Variants in BMP6 observed in about 807,000 individuals in gnomAD.
The protein encoded by BMP6 is bone morphogenetic protein 6, also known as VG-1-R.
In BMP6, 17 loss-of-function variants were observed where a neutral mutation model predicts 54.1. That is an observed-to-expected ratio of 0.31 (90% CI 0.22 to 0.47). The LOEUF (loss-of-function observed/expected upper bound fraction) is 0.47, where lower values mean the gene tolerates loss of function less well. Ranked by LOEUF, BMP6 falls within the 20% of genes least tolerant of loss-of-function variation. The pLI is 1.00. For synonymous variants in BMP6, 328 were observed against 291.2 expected (o/e 1.13, Z -1.28); for missense variants, 720 against 690.4 (o/e 1.04, Z -0.48).
intron 1 of BMP6, among the ~76,000 whole-genome samples, chr6:7,736,143 A>T (rs1224820816): frequency 2.0e-5 from 3 of 152,126 alleles, no homozygotes; most frequent in Non-Finnish European, 1.5e-5. Flanking sequence ...CTTTGTTTTT[A>T]AGTCTAGGAG....
chr6:7,750,847 T>G (rs1317282448), intron 1 of BMP6, among the ~76,000 whole-genome samples: 1 of 152,232 alleles, frequency 6.6e-6, no homozygotes, highest in Non-Finnish European at 1.5e-5. Flanking sequence ...CTCACTCTTG[T>G]CCACTTCTGC....
In BMP6 at chr6:7,727,120, G is replaced by A; in HGVS notation, c.165G>A (p.Gln55=). 6.6e-7 allele frequency: 1 copy of A among 1,520,666 alleles called. No homozygotes were observed. The highest frequency in any genetic ancestry group is 2.1e-5 in the Admixed American group (1 of 47,936). The allele number at this position is 1,520,666 out of a possible 1,614,324, so 94.2% of individuals were successfully genotyped here. A position where few individuals can be genotyped will look rare whatever the true frequency, so the allele number is the denominator to read the frequency against. ...GDGGSPGRTE[Q]PPPSPQSSSG... ...GCGGGAGCCCCGGCCGCACGGAGCA[G>A]CCGCCGCCGTCGCCGCAGTCCTCCT... Residue 55 remains glutamine, a synonymous_variant, in exon 1 of 7, where the codon CAG becomes CAA. Transcript: ENST00000283147.
chr6:7,738,363 G>C (rs1433545793), intron 1 of BMP6, among the ~76,000 whole-genome samples: 2 of 152,158 alleles, frequency 1.3e-5, no homozygotes, highest in African/African-American at 4.8e-5. Flanking sequence ...AGGAGGCTGC[G>C]TTTCCAGCTG....
At chr6:7,824,454 A>T (rs968741519) in intron 1 of BMP6, among the ~76,000 whole-genome samples, 2 of 152,170 alleles carry the variant, frequency 1.3e-5, no homozygotes, top group Non-Finnish European at 2.9e-5. Flanking sequence ...TCTGATTGAT[A>T]AACAATAGAG....
chr6:7,784,196 CT>C (rs1305833237), intron 1 of BMP6, among the ~76,000 whole-genome samples: 1 of 152,030 alleles, frequency 6.6e-6, no homozygotes, highest in Non-Finnish European at 1.5e-5. Flanking sequence ...CAAAAATAGT[CT>C]TTCCTTCTTC....
chr6:7,879,191 C>T, intron 5 of BMP6, 41 bp downstream of exon 5: 1 of 1,562,046 alleles, frequency 6.4e-7, no homozygotes, highest in Non-Finnish European at 8.8e-7. Context: ...CCTTTCTCAG[C>T]AGTTTACTCT....
At chr6:7,820,285 T>C (rs180797800) in intron 1 of BMP6, among the ~76,000 whole-genome samples, 171 of 152,300 alleles carry the variant, frequency 1.1e-3, no homozygotes, top group African/African-American at 3.9e-3. Context: ...TTGCTTTGGG[T>C]ATTGCAGCAT....
At chr6:7,747,187 G>A (rs914731640) in intron 1 of BMP6, among the ~76,000 whole-genome samples, 35 of 152,210 alleles carry the variant, frequency 2.3e-4, no homozygotes, top group African/African-American at 7.7e-4. Flanking sequence ...CAGTGTTTGC[G>A]GTAGGCAGGA....
chr6:7,735,604 C>A (rs1031074619), intron 1 of BMP6, among the ~76,000 whole-genome samples: 60 of 151,778 alleles, frequency 4.0e-4, no homozygotes, highest in African/African-American at 1.4e-3. Context: ...TTTTTAAGAT[C>A]AGTTTGAGGT....
chr6:7,797,537 A>C (rs1272773647), intron 1 of BMP6, among the ~76,000 whole-genome samples: 1 of 152,222 alleles, frequency 6.6e-6, no homozygotes, highest in Non-Finnish European at 1.5e-5. Context: ...GGTGAGAAAC[A>C]AGAGTGGGTG....
At chr6:7,852,909 C>T (rs1561791934) in intron 2 of BMP6, among the ~76,000 whole-genome samples, 2 of 152,130 alleles carry the variant, frequency 1.3e-5, no homozygotes, top group African/African-American at 4.8e-5. Flanking sequence ...TATGAGATCA[C>T]TTTTATGAGC....
chr6:7,860,355 C>T (rs1759315295), intron 2 of BMP6, among the ~76,000 whole-genome samples: 1 of 152,146 alleles, frequency 6.6e-6, no homozygotes, highest in Admixed American at 6.5e-5. Flanking sequence ...ATACCAGGAG[C>T]TTTGAGTCTT....
intron 1 of BMP6, among the ~76,000 whole-genome samples, chr6:7,778,705 T>C (rs1757897246): frequency 6.6e-6 from 1 of 152,208 alleles, no homozygotes; most frequent in African/African-American, 2.4e-5. Flanking sequence ...ACCTTCACTG[T>C]TTTTGCTGGA....
At chr6:7,856,272 A>T (rs1327764486) in intron 2 of BMP6, among the ~76,000 whole-genome samples, 1 of 152,116 alleles carries the variant, frequency 6.6e-6, no homozygotes. Context: ...CTATCTTTCT[A>T]ATGGTAAAAG....
intron 1 of BMP6, among the ~76,000 whole-genome samples, chr6:7,818,088 T>C (rs1223067722): frequency 6.6e-6 from 1 of 152,234 alleles, no homozygotes; most frequent in African/African-American, 2.4e-5. Context: ...TTAGACTGTT[T>C]TGTTCTGCTG....
At chr6:7,752,390 G>T (rs1411989422) in intron 1 of BMP6, among the ~76,000 whole-genome samples, 1 of 152,100 alleles carries the variant, frequency 6.6e-6, no homozygotes, top group African/African-American at 2.4e-5. Flanking sequence ...CATATAAGGG[G>T]CACTTGCTCT....
rs775190479 is a variant in BMP6 at position 7,880,353 on chromosome 6, A to G, written c.*10A>G. ...TTGTGGATGCCACTAACTCGAAACC[A>G]GATGCTGGGGACACACATTCTGCCT... On this transcript the variant is annotated 3_prime_UTR_variant, in exon 7 of 7. Transcript: ENST00000283147. 1.5e-5 allele frequency: 24 copies of G among 1,613,846 alleles called. No individual in the cohort carries two copies. The highest frequency in any genetic ancestry group is 1.7e-5 in the Admixed American group (1 of 60,008).
intron 1 of BMP6, among the ~76,000 whole-genome samples, chr6:7,770,753 TCTGTGCAGTCAGCAGTTA>T (rs1386565427): frequency 6.6e-6 from 1 of 152,194 alleles, no homozygotes; most frequent in African/African-American, 2.4e-5. Flanking sequence ...GGCTGGGAAA[TCTGTGCAGTCAGCAGTTA>T]CACCAGGTGA....
At chr6:7,861,750 A>G (rs747111640) in intron 3 of BMP6, 151 bp downstream of exon 3, 34 of 1,206,918 alleles carry the variant, frequency 2.8e-5, no homozygotes, top group Non-Finnish European at 3.7e-5. Flanking sequence ...TGCATTGAGA[A>G]CCAAAACCTT....
Sources: allele counts gnomAD v4.1 joint callset (sites outside exome capture counted in the v4.1 genomes callset), GRCh38; gene constraint gnomAD v4.1.1; transcripts MANE v1.5; gene names NCBI Gene and HGNC (gene_info 2026-07-23, HGNC 2026-07-21).